DNAH5: variants seen among roughly 807,000 people sequenced by gnomAD.
DNAH5 encodes the protein dynein axonemal heavy chain 5.
In DNAH5, 372 loss-of-function variants were observed where a neutral mutation model predicts 518.2. That is an observed-to-expected ratio of 0.72 (90% CI 0.66 to 0.78). The LOEUF is 0.78. DNAH5 is among the 30% of genes least tolerant of loss of function. The probability of loss-of-function intolerance (pLI) is 0.00; values close to 1 mark genes in which losing one functional copy is unlikely to be tolerated. For missense variants in DNAH5, 5,523 were observed against 5,687.0 expected (o/e 0.97, Z 0.93); for synonymous variants, 2,039 against 2,025.9 (o/e 1.01, Z -0.17).
intron 15 of DNAH5, chr5:13,899,521 C>G (rs1774310501): frequency 6.6e-6 from 1 of 152,412 alleles, no homozygotes; most frequent in African/African-American, 2.4e-5. Flanking sequence ...AACACTGCCA[C>G]TTGGCTGTCT....
At position 14,006,334 on chromosome 5, in the gene DNAH5, G is replaced by T. The variant is rs150361192; in HGVS notation, c.12+5314C>A. 5.9e-3 allele frequency among the ~76,000 whole-genome samples: 903 copies of T among 152,294 alleles called. 42 individuals are homozygous for T. Among genetic ancestry groups the T allele is most frequent in the Admixed American group, 0.055 (846 of 15,300 alleles). ...TAGGCAAACTGCTTAGCATAGCATG[G>T]CAGTCAGCTCAGGATGCCGTCACCA... On this transcript the variant is annotated intron_variant, in intron 1 of 78. Transcript: ENST00000681290.
chr5:13,962,130 T>C (rs1781226554), intron 1 of DNAH5, among the ~76,000 whole-genome samples: 1 of 152,152 alleles, frequency 6.6e-6, no homozygotes, highest in Admixed American at 6.5e-5. Flanking sequence ...GGTAAAAATA[T>C]ATCCCTCACC....
intron 1 of DNAH5, among the ~76,000 whole-genome samples, chr5:13,992,338 C>A (rs769704078): frequency 6.6e-6 from 1 of 152,164 alleles, no homozygotes; most frequent in Non-Finnish European, 1.5e-5. Flanking sequence ...CAAAATCCCA[C>A]AAATCACATT....
chr5:13,765,523 T>C (rs1045680851), intron 59 of DNAH5, among the ~76,000 whole-genome samples: 2 of 152,192 alleles, frequency 1.3e-5, no homozygotes, highest in African/African-American at 4.8e-5. Flanking sequence ...GGTCTGAAAA[T>C]ATATATTTTT....
At chr5:13,963,702 A>G (rs1781342642) in intron 1 of DNAH5, among the ~76,000 whole-genome samples, 1 of 152,136 alleles carries the variant, frequency 6.6e-6, no homozygotes, top group Non-Finnish European at 1.5e-5. Context: ...CTTATACCCG[A>G]ACATTAATAA....
chr5:13,811,758 G>C lies in DNAH5; in HGVS notation c.7296C>G (p.Phe2432Leu). 6.2e-7 allele frequency: 1 copy of C among 1,614,122 alleles called. No individual in the cohort carries two copies. Among genetic ancestry groups the C allele is most frequent in the South Asian group, 1.1e-5 (1 of 91,078 alleles). Reference sequence around the variant, plus strand: ...GGATACAGAAGCGATACAAGTCTGGGAAAGACTCGGTGTACAGCTGACGAA... The same window carrying C: ...GGATACAGAAGCGATACAAGTCTGGCAAAGACTCGGTGTACAGCTGACGAA... ...EILRQLYTES[F>L]PDLYRFCIQN... Residue 2432 changes from phenylalanine (F) to leucine (L), a missense_variant, in exon 44 of 79, where the codon TTC becomes TTG. Phe to Leu is a conservative substitution (Grantham distance 22). Coordinates refer to ENST00000265104, the MANE Select transcript of DNAH5 (RefSeq NM_001369.3).
intron 28 of DNAH5, among the ~76,000 whole-genome samples, chr5:13,863,208 G>C (rs1768742179): frequency 6.6e-6 from 1 of 152,016 alleles, no homozygotes; most frequent in African/African-American, 2.4e-5. Context: ...CCTTCTCCTA[G>C]ACCATTAGTC....
intron 1 of DNAH5, among the ~76,000 whole-genome samples, chr5:13,973,820 G>A (rs1308486350): frequency 6.6e-6 from 1 of 151,536 alleles, no homozygotes; most frequent in Non-Finnish European, 1.5e-5. Context: ...GAACAACCAC[G>A]AAAGACTCTG....
rs1554090927 is a variant in DNAH5, at chr5:13,885,997, C to A, written c.2710G>T (p.Glu904Ter). The A allele has an allele frequency of 6.2e-7, 1 of 1,613,220 alleles. No homozygotes were observed. Among genetic ancestry groups the A allele is most frequent in the Non-Finnish European group, 8.5e-7 (1 of 1,179,846 alleles). ...TCATTTTTGTAATTAACACTATTCT[C>A]ATTGGATATTTTTTCACTTTCTTCT... ...SEEESEKISN[E>*]NSVNYKNESS... is the part of the protein sequence containing the mutation. Residue 904 changes from glutamate (E) to a stop codon, truncating the protein, a stop_gained, in exon 18 of 79, where the codon GAG (glutamate) becomes TAG (stop). Transcript: ENST00000265104. LOFTEE classifies it high-confidence loss of function.
intron 44 of DNAH5, 73 bp from the exon 45 acceptor site, chr5:13,810,333 A>G: frequency 7.9e-7 from 1 of 1,263,872 alleles, no homozygotes; most frequent in South Asian, 1.3e-5. Flanking sequence ...TTTCAATGGG[A>G]ACAGTAAACA....
intron 65 of DNAH5, among the ~76,000 whole-genome samples, chr5:13,743,909 A>G (rs1285664953): frequency 6.6e-6 from 1 of 151,788 alleles, no homozygotes; most frequent in African/African-American, 2.4e-5. Flanking sequence ...AAGTTCCTCA[A>G]AAAAGTACAC....
chr5:13,818,394 C>T (rs1410116012), intron 41 of DNAH5, among the ~76,000 whole-genome samples: 4 of 152,176 alleles, frequency 2.6e-5, no homozygotes, highest in South Asian at 2.1e-4. Context: ...GTCAGGAGTT[C>T]GAGATCAGCC....
At chr5:13,971,217 T>C (rs1781843801) in intron 1 of DNAH5, among the ~76,000 whole-genome samples, 1 of 152,194 alleles carries the variant, frequency 6.6e-6, no homozygotes, top group Non-Finnish European at 1.5e-5. Context: ...TATTCACCTT[T>C]TTCTGGTGCC....
At chr5:13,829,342 T>TAA (rs5866069) in intron 38 of DNAH5, among the ~76,000 whole-genome samples, 168 bp downstream of exon 38, 1 of 152,026 alleles carries the variant, frequency 6.6e-6, no homozygotes, top group South Asian at 2.1e-4. Flanking sequence ...ATGTACTTCT[T>TAA]AAAAAACTAT....
Position 13,769,044 on chromosome 5 carries a change from G to T in DNAH5, c.9813C>A (p.Asp3271Glu). The T allele has an allele frequency of 6.2e-7, 1 of 1,614,190 alleles. No individual in the cohort carries two copies. Among genetic ancestry groups the T allele is most frequent in the Non-Finnish European group, 8.5e-7 (1 of 1,180,026 alleles). Residue 3271 changes from aspartate to glutamate, a missense_variant, in exon 58 of 79, where the codon GAC becomes GAA. Asp to Glu is a conservative substitution (Grantham distance 45, BLOSUM62 2). Around this residue, in one of 3 missense-constraint regions of DNAH5, gnomAD observed 5,121 missense variants for 5,223.3 expected, o/e 0.98. Transcript: ENST00000265104. Reference protein sequence around the residue: ...KVKDRAQAIVDSISKDKAIAE... With the variant: ...KVKDRAQAIVESISKDKAIAE... ...CAATGGCTTTGTCTTTAGAGATGCTGTCCACAATGGCCTGGGCCCTGTCCT... is the reference window on the plus strand; with the variant it reads ...CAATGGCTTTGTCTTTAGAGATGCTTTCCACAATGGCCTGGGCCCTGTCCT...
intron 59 of DNAH5, among the ~76,000 whole-genome samples, chr5:13,765,562 A>C (rs1454358476): frequency 6.6e-6 from 1 of 152,214 alleles, no homozygotes; most frequent in Non-Finnish European, 1.5e-5. Flanking sequence ...AGGTATATAC[A>C]TATGTAAATA....
At chr5:13,943,034 C>T (rs1779606720) in intron 1 of DNAH5, among the ~76,000 whole-genome samples, 1 of 152,086 alleles carries the variant, frequency 6.6e-6, no homozygotes, top group Admixed American at 6.6e-5. Context: ...TGAACCAAAC[C>T]AGCATCCTAA....
At chr5:13,999,529 T>C (rs1182060415) in intron 1 of DNAH5, among the ~76,000 whole-genome samples, 1 of 152,254 alleles carries the variant, frequency 6.6e-6, no homozygotes, top group African/African-American at 2.4e-5. Flanking sequence ...ATTTCCTTCA[T>C]TTTAAAACTG....
Position 13,769,531 on chromosome 5 carries a change from C to T in DNAH5, c.9690G>A (p.Glu3230=). ...CGGCTTTATCGTTGGCCACTTGTAG[C>T]TCCTTTTCTTTCGCTTCCAGTTCTT... The part of the protein sequence containing the change: ...LSKELEAKEK[E]LQVANDKADM... Residue 3230 remains glutamate (E), a synonymous_variant, in exon 57 of 79, where the codon GAG becomes GAA. Coordinates refer to ENST00000265104, the MANE Select transcript of DNAH5 (RefSeq NM_001369.3). 1.2e-6 allele frequency: 2 copies of T among 1,614,080 alleles called. No individual in the cohort carries two copies. Among genetic ancestry groups the T allele is most frequent in the Non-Finnish European group, 1.7e-6 (2 of 1,179,948 alleles).
Sources: allele counts gnomAD v4.1 joint callset (sites outside exome capture counted in the v4.1 genomes callset), GRCh38; gene constraint gnomAD v4.1.1; regional missense constraint gnomAD v4.1.1; transcripts MANE v1.5; gene names NCBI Gene and HGNC (gene_info 2026-07-23, HGNC 2026-07-21).